Variants in PGPEP1 observed in about 807,000 individuals in gnomAD.
PGPEP1 encodes the protein pyroglutamyl-peptidase 1.
In PGPEP1, 15 loss-of-function variants were observed where a neutral mutation model predicts 24.1. The ratio of observed to expected loss-of-function variants is 0.62; its 90% CI spans 0.42 to 0.96. The LOEUF (loss-of-function observed/expected upper bound fraction) is 0.96, where lower values mean the gene tolerates loss of function less well. Ranked by LOEUF, PGPEP1 falls within the 40% of genes least tolerant of loss-of-function variation. The probability of loss-of-function intolerance (pLI) is 0.00; values close to 1 mark genes in which losing one functional copy is unlikely to be tolerated. For missense variants in PGPEP1, 242 were observed against 273.4 expected (o/e 0.89, Z 0.81); for synonymous variants, 122 against 116.4 (o/e 1.05, Z -0.31).
At chr19:18,357,305 C>T in intron 3 of PGPEP1, 78 bp from the exon 4 acceptor site, 1 of 1,021,560 alleles carries the variant, frequency 9.8e-7, no homozygotes, top group South Asian at 1.4e-5. Flanking sequence ...AAGGATGCTG[C>T]CTTTTCCCTG....
At chr19:18,354,961 CTTTTTTTTTTTTTTT>C (rs761843314) in intron 2 of PGPEP1, among the ~76,000 whole-genome samples, 1 of 94,716 alleles carries the variant, frequency 1.1e-5, no homozygotes, top group Non-Finnish European at 2.0e-5. Context: ...TAAGTCGATA[CTTTTTTTTTTTTTTT>C]TTTTTTTTTT....
chr19:18,349,019 TC>T (rs1970940317), intron 2 of PGPEP1: 1 of 792,572 alleles, frequency 1.3e-6, no homozygotes, highest in Non-Finnish European at 1.5e-6. Context: ...CACCTCGGCC[TC>T]CCAAAGAAGC....
chr19:18,362,976 A>G (rs1006951107), intron 4 of PGPEP1, among the ~76,000 whole-genome samples: 7 of 149,182 alleles, frequency 4.7e-5, no homozygotes, highest in African/African-American at 1.7e-4. Flanking sequence ...GCAATAGCTC[A>G]CTCTGCCCAT....
chr19:18,347,271 T>C (rs1800857123), intron 2 of PGPEP1, among the ~76,000 whole-genome samples: 1 of 9,664 alleles, frequency 1.0e-4, no homozygotes, highest in Non-Finnish European at 4.3e-4. Flanking sequence ...TCTTTCTTTC[T>C]TTTTTTTTTT....
At chr19:18,344,691 C>T (rs981166972) in intron 2 of PGPEP1, among the ~76,000 whole-genome samples, 24 of 152,106 alleles carry the variant, frequency 1.6e-4, no homozygotes, top group Non-Finnish European at 2.2e-4. Context: ...CCTGCTCACC[C>T]GCTCCCCGGA....
At chr19:18,340,817 C>T in intron 1 of PGPEP1, 102 bp downstream of exon 1, 1 of 893,508 alleles carries the variant, frequency 1.1e-6, no homozygotes, top group South Asian at 2.8e-5. Context: ...GAAGTCCTCT[C>T]AGATTTGGAA....
intron 4 of PGPEP1, among the ~76,000 whole-genome samples, chr19:18,363,033 T>TTGTGTGTGTGTGTG (rs201259409): frequency 0.095 from 12,997 of 136,568 alleles, 713 homozygotes; most frequent in South Asian, 0.11. Flanking sequence ...TTTTTTTTGT[T>TTGTGTGTGTGTGTG]TGTGTGTGTG....
At chr19:18,348,555 C>T (rs143536924) in intron 2 of PGPEP1, among the ~76,000 whole-genome samples, 2 of 152,078 alleles carry the variant, frequency 1.3e-5, no homozygotes, top group African/African-American at 4.8e-5. Flanking sequence ...CCCCTTCTCC[C>T]GGAGGAGAAC....
chr19:18,349,221 A>T (rs1453318280), intron 2 of PGPEP1, among the ~76,000 whole-genome samples: 2 of 151,956 alleles, frequency 1.3e-5, no homozygotes, highest in Non-Finnish European at 2.9e-5. Flanking sequence ...TCACTCTGTC[A>T]TCCAGGCTGG....
chr19:18,351,758 T>G (rs1432002905), intron 2 of PGPEP1, among the ~76,000 whole-genome samples: 1 of 151,420 alleles, frequency 6.6e-6, no homozygotes, highest in Non-Finnish European at 1.5e-5. Context: ...GCCTGGGCAA[T>G]GTAGCAAGAC....
rs1434982103 is a variant in PGPEP1, at chr19:18,366,540, G to C, written c.*2957G>C. On this transcript the variant is annotated 3_prime_UTR_variant, in exon 5 of 5. Transcript: ENST00000269919. Reference sequence around the variant, plus strand: ...GGCTAGAGTGCAATGGCGTGATCTCGGCTCACTGCAACCTCCACCTCCTGG... The same window carrying C: ...GGCTAGAGTGCAATGGCGTGATCTCCGCTCACTGCAACCTCCACCTCCTGG... 1 of 151,836 alleles carries C rather than the reference G, an allele frequency of 6.6e-6. No homozygotes were observed. Among genetic ancestry groups the C allele is most frequent in the East Asian group, 1.9e-4 (1 of 5,156 alleles). The allele number at this position is 151,836 out of a possible 1,614,324, so 9.4% of individuals were successfully genotyped here. A position where few individuals can be genotyped will look rare whatever the true frequency, so the allele number is the denominator to read the frequency against.
At chr19:18,341,376 A>G (rs1235133272) in intron 1 of PGPEP1, among the ~76,000 whole-genome samples, 3 of 151,942 alleles carry the variant, frequency 2.0e-5, no homozygotes, top group African/African-American at 7.3e-5. Context: ...CCCCAAACCA[A>G]CTGTTTCTCC....
chr19:18,347,158 C>T (rs1970873067), intron 2 of PGPEP1, among the ~76,000 whole-genome samples: 1 of 151,550 alleles, frequency 6.6e-6, no homozygotes, highest in Admixed American at 6.6e-5. Flanking sequence ...CTCAGCTCAC[C>T]TCATCCTTGA....
At chr19:18,348,128 C>T (rs1207516280) in intron 2 of PGPEP1, among the ~76,000 whole-genome samples, 1 of 152,072 alleles carries the variant, frequency 6.6e-6, no homozygotes, top group Non-Finnish European at 1.5e-5. Flanking sequence ...CTCGTGTGTC[C>T]CGTCTCCCCT....
rs1384520530 is a variant in PGPEP1 at position 18,340,763 on chromosome 19, C to T, written c.34+48C>T. ...TAGCGGCAGCGGCCGGGGGCAGAGG[C>T]GGGGGCGGCTCCGGGACTGCGGGGC... On this transcript the variant is annotated intron_variant, in intron 1 of 4. Transcript: ENST00000269919. 3 of 1,362,944 alleles carry T rather than the reference C, an allele frequency of 2.2e-6. No homozygotes were observed. The East Asian group carries it at 8.7e-5, about 39-fold the overall frequency. The allele number at this position is 1,362,944 out of a possible 1,614,324, so 84.4% of individuals were successfully genotyped here. A position where few individuals can be genotyped will look rare whatever the true frequency, so the allele number is the denominator to read the frequency against.
intron 4 of PGPEP1, among the ~76,000 whole-genome samples, chr19:18,360,896 G>A (rs986333372): frequency 2.0e-5 from 3 of 147,122 alleles, no homozygotes; most frequent in East Asian, 2.1e-4. Flanking sequence ...GCAGTGGCTC[G>A]ATCTTGTTGC....
At chr19:18,361,421 G>A (rs748435916) in intron 4 of PGPEP1, among the ~76,000 whole-genome samples, 25 of 151,938 alleles carry the variant, frequency 1.6e-4, no homozygotes, top group African/African-American at 3.1e-4. Flanking sequence ...TTACAGGCGT[G>A]AGCCACCGCG....
intron 4 of PGPEP1, among the ~76,000 whole-genome samples, 189 bp from the exon 5 acceptor site, chr19:18,363,202 C>T (rs1429136811): frequency 2.0e-5 from 3 of 152,010 alleles, no homozygotes; most frequent in East Asian, 1.9e-4. Flanking sequence ...ACTACAGGCA[C>T]GTGCCACCAC....
intron 2 of PGPEP1, among the ~76,000 whole-genome samples, chr19:18,346,124 T>C (rs1180831875): frequency 6.6e-6 from 1 of 152,158 alleles, no homozygotes; most frequent in Non-Finnish European, 1.5e-5. Context: ...GCCCTCCCGA[T>C]GTAAACCTCT....
Sources: gnomAD v4.1 joint callset for allele counts (sites outside exome capture counted in the v4.1 genomes callset) on GRCh38, gnomAD v4.1.1 for gene constraint, MANE v1.5 for transcripts, NCBI Gene and HGNC (gene_info 2026-07-23, HGNC 2026-07-21) for gene names.